Variants in TRPM3 observed in about 807,000 individuals in gnomAD.
The protein encoded by TRPM3 is long transient receptor potential channel 3.
TRPM3 carries 77 observed loss-of-function variants against 181.2 expected under a neutral mutation model. The observed-to-expected ratio is 0.42, with a 90% confidence interval of 0.35 to 0.51. The LOEUF is 0.51. TRPM3 is among the 20% of genes least tolerant of loss of function. The probability of loss-of-function intolerance (pLI) is 0.01; values close to 1 mark genes in which losing one functional copy is unlikely to be tolerated. For missense variants in TRPM3, 1,759 were observed against 2,196.7 expected, an observed-to-expected ratio of 0.80 and a Z score of 3.98; for synonymous variants, 745 against 796.4, an observed-to-expected ratio of 0.94 and a Z score of 1.09.
chr9:71,172,273 G>C (rs79812095), intron 1 of TRPM3, among the ~76,000 whole-genome samples: 3,265 of 152,230 alleles, frequency 0.021, 108 homozygotes, highest in African/African-American at 0.075. Context: ...TAGCCAGATA[G>C]AGGTTGGTTG....
chr9:70,898,667 G>C (rs1048203228), intron 1 of TRPM3, among the ~76,000 whole-genome samples: 11 of 144,528 alleles, frequency 7.6e-5, no homozygotes, highest in Non-Finnish European at 1.5e-4. Context: ...AGAATCTCTT[G>C]AACCCGGGAG....
chr9:71,152,471 A>T (rs888799721), intron 1 of TRPM3, among the ~76,000 whole-genome samples: 2 of 152,174 alleles, frequency 1.3e-5, no homozygotes, highest in African/African-American at 2.4e-5. Context: ...GATTTTATTT[A>T]AAAAAGGGTT....
At chr9:70,806,562 A>C (rs2131330592) in intron 6 of TRPM3, among the ~76,000 whole-genome samples, 1 of 152,106 alleles carries the variant, frequency 6.6e-6, no homozygotes, top group East Asian at 1.9e-4. Context: ...TTGGTGGTGC[A>C]CGCCTATAGC....
intron 9 of TRPM3, among the ~76,000 whole-genome samples, chr9:70,642,212 T>A (rs1281388522): frequency 6.6e-6 from 1 of 152,148 alleles, no homozygotes; most frequent in Non-Finnish European, 1.5e-5. Context: ...ATCTGGGGAC[T>A]GGGTCTTATT....
At chr9:70,812,940 GA>G (rs1303131611) in intron 6 of TRPM3, among the ~76,000 whole-genome samples, 1 of 151,962 alleles carries the variant, frequency 6.6e-6, no homozygotes, top group East Asian at 1.9e-4. Flanking sequence ...GGACACAATA[GA>G]AAAAAATGGT....
At chr9:71,176,671 A>G (rs1189833494) in intron 1 of TRPM3, among the ~76,000 whole-genome samples, 2 of 151,902 alleles carry the variant, frequency 1.3e-5, no homozygotes, top group Non-Finnish European at 2.9e-5. Context: ...TTCACTCACC[A>G]CTCACCCACC....
At chr9:71,177,935 A>G (rs2077197956) in intron 1 of TRPM3, among the ~76,000 whole-genome samples, 1 of 149,072 alleles carries the variant, frequency 6.7e-6, no homozygotes, top group Non-Finnish European at 1.5e-5. Flanking sequence ...TCAAAGCCAA[A>G]AAAAAAAAAA....
intron 1 of TRPM3, among the ~76,000 whole-genome samples, chr9:71,322,330 C>T (rs923800417): frequency 6.6e-6 from 1 of 152,088 alleles, no homozygotes; most frequent in Non-Finnish European, 1.5e-5. Context: ...ACAAACCACA[C>T]AAATGATTCA....
In TRPM3 at chr9:70,927,107, G is replaced by A. The variant is rs569527738; in HGVS notation, c.178-62596C>T. ...TATTTATCAAGGTTTTATACTATAT[G>A]TCACTACCAACATACTGAAATGTTT... is the stretch of plus-strand genomic sequence containing the variant. On this transcript the variant is annotated intron_variant, in intron 1 of 25. Coordinates refer to ENST00000677713, the MANE Select transcript of TRPM3 (RefSeq NM_001366145.2). 3.1e-4 allele frequency among the ~76,000 whole-genome samples: 47 copies of A among 152,278 alleles called. No individual in the cohort carries two copies. The Middle Eastern group carries it at 0.02, about 66-fold the overall frequency.
intron 1 of TRPM3, among the ~76,000 whole-genome samples, chr9:71,322,418 G>A (rs1400742029): frequency 6.6e-6 from 1 of 151,972 alleles, no homozygotes; most frequent in Non-Finnish European, 1.5e-5. Flanking sequence ...TAAATGAAAG[G>A]TCATTAAGCA....
At chr9:71,207,722 G>C (rs1019723876) in intron 1 of TRPM3, among the ~76,000 whole-genome samples, 1 of 152,126 alleles carries the variant, frequency 6.6e-6, no homozygotes, top group African/African-American at 2.4e-5. Flanking sequence ...GAACTTTAAA[G>C]TATTTCTGAA....
At chr9:70,834,269 T>C (rs1198034427) in intron 5 of TRPM3, among the ~76,000 whole-genome samples, 4 of 152,192 alleles carry the variant, frequency 2.6e-5, no homozygotes, top group Admixed American at 6.5e-5. Context: ...ACTTTGAAAA[T>C]GTGTCCCTTA....
intron 8 of TRPM3, among the ~76,000 whole-genome samples, chr9:70,694,743 G>T (rs2069758149): frequency 6.6e-6 from 1 of 152,218 alleles, no homozygotes. Flanking sequence ...GCCTCCCAAA[G>T]TGCTGGGATT....
intron 1 of TRPM3, among the ~76,000 whole-genome samples, chr9:71,334,412 T>C (rs1006717157): frequency 6.6e-6 from 1 of 151,816 alleles, no homozygotes; most frequent in African/African-American, 2.4e-5. Context: ...CAATTTCTAA[T>C]ACAAAAATGT....
chr9:70,789,759 G>A (rs370669047), intron 6 of TRPM3, among the ~76,000 whole-genome samples: 1 of 152,206 alleles, frequency 6.6e-6, no homozygotes, highest in Admixed American at 6.5e-5. Context: ...ACAGCTCTGC[G>A]TTCTACAGGG....
Position 70,590,983 on chromosome 9 carries a change from G to A in TRPM3, c.3223+48C>T, listed in dbSNP as rs1247354839. 2.5e-6 allele frequency: 4 copies of A among 1,612,422 alleles called. No individual in the cohort carries two copies. In the African/African-American group the frequency reaches 5.3e-5, roughly 22 times the overall value. ...AACTTGGAAAAGACATAACCGAATT[G>A]AATTTAAATACCTGACTTTGGTGTA... On this transcript the variant is annotated intron_variant, in intron 22 of 25. Coordinates refer to ENST00000677713, the MANE Select transcript of TRPM3 (RefSeq NM_001366145.2).
chr9:71,333,992 A>G (rs373043365), intron 1 of TRPM3, among the ~76,000 whole-genome samples: 1 of 151,862 alleles, frequency 6.6e-6, no homozygotes, highest in African/African-American at 2.4e-5. Flanking sequence ...TGGTATGCTA[A>G]TAAGGGAAAT....
intron 20 of TRPM3, among the ~76,000 whole-genome samples, chr9:70,599,325 T>A (rs534683062): frequency 4.7e-4 from 71 of 152,250 alleles, no homozygotes; most frequent in African/African-American, 1.6e-3. Context: ...AGGTAAAAAC[T>A]CTTCAAGCTG....
At chr9:70,976,495 GGT>G (rs1477842544) in intron 1 of TRPM3, among the ~76,000 whole-genome samples, 2 of 152,204 alleles carry the variant, frequency 1.3e-5, no homozygotes, top group African/African-American at 4.8e-5. Context: ...AGACAGTAGA[GGT>G]GTTCTTAAAG....
Sources: gnomAD v4.1 joint callset for allele counts (sites outside exome capture counted in the v4.1 genomes callset) on GRCh38, gnomAD v4.1.1 for gene constraint, MANE v1.5 for transcripts, NCBI Gene and HGNC (gene_info 2026-07-23, HGNC 2026-07-21) for gene names.